TUSC3: variants seen among roughly 807,000 people sequenced by gnomAD.
TUSC3 encodes the protein dolichyl-diphosphooligosaccharide--protein glycosyltransferase subunit TUSC3.
In TUSC3, 45 loss-of-function variants were observed where a neutral mutation model predicts 44.8. The ratio of observed to expected loss-of-function variants is 1.00; its 90% CI spans 0.79 to 1.29. TUSC3 has a LOEUF of 1.29. Ranked by LOEUF, TUSC3 falls within the 50% of genes most tolerant of loss-of-function variation. TUSC3 has a pLI of 0.00. For synonymous variants in TUSC3, 212 were observed against 152.9 expected, an observed-to-expected ratio of 1.39 and a Z score of -2.85; for missense variants, 519 against 437.9, an observed-to-expected ratio of 1.19 and a Z score of -1.65.
intron 2 of TUSC3, among the ~76,000 whole-genome samples, chr8:15,633,501 G>T (rs1452378602): frequency 6.6e-6 from 1 of 152,204 alleles, no homozygotes; most frequent in Non-Finnish European, 1.5e-5. Flanking sequence ...GATAGTTGTA[G>T]ATGTAATTAG....
intron 6 of TUSC3, among the ~76,000 whole-genome samples, chr8:15,683,388 G>A (rs2129186503): frequency 6.6e-6 from 1 of 152,126 alleles, no homozygotes; most frequent in South Asian, 2.1e-4. Flanking sequence ...ATTTGAAGGA[G>A]TGATGTTCAG....
the TUSC3 span, among the ~76,000 whole-genome samples, chr8:15,810,031 G>A: frequency 2.0e-5 from 3 of 152,156 alleles, no homozygotes; most frequent in Admixed American, 2.0e-4. Context: ...CATGCTGTTG[G>A]ATAATGTCTG....
chr8:15,548,950 C>T (rs1171711635), intron 1 of TUSC3, among the ~76,000 whole-genome samples: 1 of 151,530 alleles, frequency 6.6e-6, no homozygotes, highest in African/African-American at 2.4e-5. Flanking sequence ...GAGAATTTTC[C>T]ATGTGTTTCT....
intron 2 of TUSC3, among the ~76,000 whole-genome samples, chr8:15,496,502 C>G (rs1306525902): frequency 1.3e-5 from 2 of 152,138 alleles, no homozygotes; most frequent in Non-Finnish European, 2.9e-5. Flanking sequence ...GAGTTCAACC[C>G]CTTGTATGCT....
At chr8:15,800,957 C>T in the TUSC3 span, among the ~76,000 whole-genome samples, 1 of 152,144 alleles carries the variant, frequency 6.6e-6, no homozygotes, top group African/African-American at 2.4e-5. Flanking sequence ...ATTTATTGAG[C>T]TCTTATTACA....
At chr8:15,472,777 C>T (rs1239323241) in intron 1 of TUSC3, among the ~76,000 whole-genome samples, 1 of 152,084 alleles carries the variant, frequency 6.6e-6, no homozygotes, top group African/African-American at 2.4e-5. Context: ...AGATCAAATC[C>T]ATTATGGTGT....
At position 15,457,849 on chromosome 8, in the gene TUSC3, CTAATAATTA is replaced by C. The variant is rs2129121362; in HGVS notation, n.92-25535_92-25527del. ...ATTATTAATAAATTAGATTAATTAT[CTAATAATTA>C]TCTAATAAATTAATTAGATAATTAC... On this transcript the variant is annotated intron_variant and non_coding_transcript_variant, in intron 1 of 5. Transcript: ENST00000503191. Among the ~76,000 whole-genome samples the C allele has an allele frequency of 7.9e-5, 3 of 38,202 alleles. No homozygotes were observed. The South Asian group carries it at 1.8e-3, about 22-fold the overall frequency. The allele number at this position is 38,202 out of a possible 152,430, so 25.1% of individuals were successfully genotyped here.
At chr8:15,662,120 T>C (rs1807449916) in intron 4 of TUSC3, 36 bp from the exon 5 acceptor site, 1 of 1,611,158 alleles carries the variant, frequency 6.2e-7, no homozygotes, top group African/African-American at 1.3e-5. Flanking sequence ...ATTTTATTTT[T>C]CTTTCATTTT....
chr8:15,495,262 T>C (rs1462036899), intron 2 of TUSC3, among the ~76,000 whole-genome samples: 7 of 152,206 alleles, frequency 4.6e-5, no homozygotes, highest in Non-Finnish European at 8.8e-5. Flanking sequence ...TTGATTTCAG[T>C]CTTGGCTGGA....
At chr8:15,484,486 G>A (rs1255699403) in intron 2 of TUSC3, among the ~76,000 whole-genome samples, 2 of 152,182 alleles carry the variant, frequency 1.3e-5, no homozygotes, top group Admixed American at 6.5e-5. Context: ...GAGCAAGTAC[G>A]AAATAATCCC....
chr8:15,684,978 A>C (rs1808570668), intron 6 of TUSC3, among the ~76,000 whole-genome samples: 1 of 152,302 alleles, frequency 6.6e-6, no homozygotes, highest in Admixed American at 6.5e-5. Context: ...GATGCACCCC[A>C]GTCCTGTGGC....
chr8:15,662,264 T>C lies in TUSC3; in HGVS notation c.676T>C (p.Tyr226His). 1 of 1,613,124 alleles carries C rather than the reference T, an allele frequency of 6.2e-7. No homozygotes were observed. Among genetic ancestry groups the C allele is most frequent in the Non-Finnish European group, 8.5e-7 (1 of 1,179,276 alleles). Reference sequence around the variant, plus strand: ...GAGAAGGAACAACTTGGAGTTCATCTATAACAAGACTGGTTGGGCCATGGT... The same window carrying C: ...GAGAAGGAACAACTTGGAGTTCATCCATAACAAGACTGGTTGGGCCATGGT... ...YLRRNNLEFI[Y>H]NKTGWAMVSL... Residue 226 changes from tyrosine (Y) to histidine (H), a missense_variant, in exon 5 of 11, where the codon TAT becomes CAT. Tyr to His is a moderately conservative substitution (Grantham distance 83, BLOSUM62 2). Transcript: ENST00000503731.
intron 2 of TUSC3, among the ~76,000 whole-genome samples, chr8:15,629,616 G>A (rs1585170934): frequency 7.9e-6 from 1 of 125,790 alleles, no homozygotes; most frequent in Admixed American, 9.1e-5. Context: ...GTGTACTTTT[G>A]GACCACTTCT....
At chr8:15,828,293 C>A in the TUSC3 span, among the ~76,000 whole-genome samples, 2 of 152,070 alleles carry the variant, frequency 1.3e-5, no homozygotes, top group South Asian at 4.1e-4. Flanking sequence ...CCGCACCCAG[C>A]CAATATAATT....
intron 7 of TUSC3, among the ~76,000 whole-genome samples, chr8:15,736,655 T>C (rs2604339): frequency 0.85 from 129,954 of 152,140 alleles, 55,851 homozygotes; most frequent in Non-Finnish European, 0.9. Flanking sequence ...TAAAAAGGCA[T>C]CTTCATTTCA....
chr8:15,568,222 A>C (rs546786874), intron 1 of TUSC3, among the ~76,000 whole-genome samples: 1 of 152,310 alleles, frequency 6.6e-6, no homozygotes, highest in Non-Finnish European at 1.5e-5. Flanking sequence ...TGGTGTGCAG[A>C]TGCTAAGCAA....
chr8:15,776,095 C>A, the TUSC3 span, among the ~76,000 whole-genome samples: 3 of 152,056 alleles, frequency 2.0e-5, no homozygotes, highest in Admixed American at 6.6e-5. Context: ...GCACTGGCAT[C>A]TTATCATGAC....
In TUSC3 at chr8:15,545,916, A is replaced by G. The variant is rs752010843; in HGVS notation, c.138+5348A>G. Among the ~76,000 whole-genome samples, 36 of 151,778 alleles carry G rather than the reference A, an allele frequency of 2.4e-4. 2 individuals carry two copies. The highest frequency in any genetic ancestry group is 5.3e-4 in the Admixed American group (8 of 15,204). ...GCATGTCAGACTATCTCAGACTATC[A>G]GATATCTCTGATATTTGGCATATCA... On this transcript the variant is annotated intron_variant, in intron 1 of 10. Coordinates refer to ENST00000503731, the MANE Select transcript of TUSC3 (RefSeq NM_006765.4).
At chr8:15,590,325 G>A (rs1803774326) in intron 1 of TUSC3, among the ~76,000 whole-genome samples, 2 of 152,118 alleles carry the variant, frequency 1.3e-5, no homozygotes, top group African/African-American at 2.4e-5. Flanking sequence ...GGCAAAGACA[G>A]TTTATGGCAA....
Sources: allele counts gnomAD v4.1 joint callset (sites outside exome capture counted in the v4.1 genomes callset), GRCh38; gene constraint gnomAD v4.1.1; transcripts MANE v1.5; gene names NCBI Gene and HGNC (gene_info 2026-07-23, HGNC 2026-07-21).